MPPE1: variants seen among roughly 807,000 people sequenced by gnomAD.
MPPE1 encodes metallophosphoesterase 1.
In MPPE1, 28 loss-of-function variants were observed where a neutral mutation model predicts 43.8. That is an observed-to-expected ratio of 0.64 (90% CI 0.47 to 0.88). The LOEUF (loss-of-function observed/expected upper bound fraction) is 0.88. MPPE1 is among the 40% of genes least tolerant of loss of function. The pLI, the probability that MPPE1 is intolerant of heterozygous loss-of-function variation, is 0.00. For synonymous variants in MPPE1, 159 were observed against 188.5 expected, an observed-to-expected ratio of 0.84 and a Z score of 1.28; for missense variants, 428 against 492.2, an observed-to-expected ratio of 0.87 and a Z score of 1.23.
chr18:11,883,060 T>G lies in MPPE1; in HGVS notation c.*1385A>C, dbSNP rs749680133. On this transcript the variant is annotated 3_prime_UTR_variant, in exon 11 of 11. Coordinates refer to ENST00000588072, the MANE Select transcript of MPPE1 (RefSeq NM_023075.6). ...ACATTACTTCATTATTACTCTTCTTTTAGTCTTTAGTCTTTAATATTTTAA... is the reference window on the plus strand; with the variant it reads ...ACATTACTTCATTATTACTCTTCTTGTAGTCTTTAGTCTTTAATATTTTAA... 3 of 152,228 alleles carry G rather than the reference T, an allele frequency of 2.0e-5. No homozygotes were observed. The highest frequency in any genetic ancestry group is 2.9e-5 in the Non-Finnish European group (2 of 68,044). The allele number at this position is 152,228 out of a possible 1,614,324, so 9.4% of individuals were successfully genotyped here.
rs2036731934 is a variant in MPPE1 at position 11,882,696 on chromosome 18, A to C, written c.*1749T>G. 1 of 151,910 alleles carries C rather than the reference A, an allele frequency of 6.6e-6. No homozygotes were observed. Among genetic ancestry groups the C allele is most frequent in the South Asian group, 2.1e-4 (1 of 4,822 alleles). The allele number at this position is 151,910 out of a possible 1,614,324, so 9.4% of individuals were successfully genotyped here. ...GTGAGACTCAGGCCAAAAAAAAAAAAAAAAAAAACCTTGACGTGTCAATGT... is the reference window on the plus strand; with the variant it reads ...GTGAGACTCAGGCCAAAAAAAAAAACAAAAAAAACCTTGACGTGTCAATGT... On this transcript the variant is annotated 3_prime_UTR_variant, in exon 11 of 11. Transcript: ENST00000588072.
At position 11,886,036 on chromosome 18, in the gene MPPE1, A is replaced by G. The variant is rs551874804; in HGVS notation, c.868-220T>C. 16 of 356,358 alleles carry G rather than the reference A, an allele frequency of 4.5e-5. No individual in the cohort carries two copies. Among genetic ancestry groups the G allele is most frequent in the African/African-American group, 2.9e-4 (14 of 47,720 alleles). The allele number at this position is 356,358 out of a possible 1,614,324, so 22.1% of individuals were successfully genotyped here. A position where few individuals can be genotyped will look rare whatever the true frequency, so the allele number is the denominator to read the frequency against. ...CCTTTGTTCTCATCCCAGATTTTAT[A>G]TACTTTTTACGGTATTTTATCTTTA... On this transcript the variant is annotated intron_variant, in intron 9 of 10. Coordinates refer to ENST00000588072, the MANE Select transcript of MPPE1 (RefSeq NM_023075.6). The surrounding 1 kb of genome is among the most constrained non-coding windows in gnomAD (Gnocchi z 4.1).
rs201474415 is a variant in MPPE1 at position 11,888,728 on chromosome 18, T to G, written c.510A>C (p.Lys170Asn). The change falls in exon 6 of 11, where the codon AAA becomes AAC. Residue 170 changes from lysine (K) to asparagine (N), a missense_variant. By Grantham distance (94) the Lys-to-Asn change is moderately conservative (BLOSUM62 0). This residue lies in a region of MPPE1 where 379 missense variants were observed against 402.5 expected (regional missense o/e 0.94). Coordinates refer to ENST00000588072, the MANE Select transcript of MPPE1 (RefSeq NM_023075.6). ...IGFHYEMNTY[K>N]VERFEKVFSS... ...TGAACACTTTCTCAAAGCGTTCTAC[T>G]TTGTATGTGTTCATCCTATATTCAA... 1 of 1,597,332 alleles carries G rather than the reference T, an allele frequency of 6.3e-7. No homozygotes were observed. Among genetic ancestry groups the G allele is most frequent in the South Asian group, 1.1e-5 (1 of 88,210 alleles).
Position 11,884,566 on chromosome 18 carries a change from A to G in MPPE1, c.1070T>C (p.Val357Ala). 1 of 1,614,042 alleles carries G rather than the reference A, an allele frequency of 6.2e-7. No individual in the cohort carries two copies. Among genetic ancestry groups the G allele is most frequent in the Non-Finnish European group, 8.5e-7 (1 of 1,180,050 alleles). The change falls in exon 11 of 11, where the codon GTT becomes GCT. Residue 357 changes from valine (V) to alanine (A), a missense_variant. Coordinates refer to ENST00000588072, the MANE Select transcript of MPPE1 (RefSeq NM_023075.6). ...CACCACTCCACAGTAGATGATCAAA[A>G]CCACATCCTCACGTGGGAGGTAGCA... ...SKCYLPREDVVLIIYCGVVGF... is the reference protein window; with the variant it reads ...SKCYLPREDVALIIYCGVVGF...
At position 11,888,629 on chromosome 18, in the gene MPPE1, A is replaced by G. The variant is rs1289392404; in HGVS notation, c.569+40T>C. On this transcript the variant is annotated intron_variant, in intron 6 of 10. Transcript: ENST00000588072. Reference sequence around the variant, plus strand: ...GCACCTTTAAAAAATGAAGTTTCCAAGGACTAAAGGTCTTGGAAGAATTTA... The same window carrying G: ...GCACCTTTAAAAAATGAAGTTTCCAGGGACTAAAGGTCTTGGAAGAATTTA... 3.8e-6 allele frequency: 5 copies of G among 1,302,460 alleles called. No homozygotes were observed. The East Asian group carries it at 9.3e-5, about 24-fold the overall frequency. The allele number at this position is 1,302,460 out of a possible 1,614,324, so 80.7% of individuals were successfully genotyped here.
In MPPE1 at chr18:11,885,802, G is replaced by A. The variant is rs747561914; in HGVS notation, c.882C>T (p.Leu294=). Residue 294 remains leucine, a synonymous_variant, in exon 10 of 11, where the codon CTC becomes CTT. Coordinates refer to ENST00000588072, the MANE Select transcript of MPPE1 (RefSeq NM_023075.6). ...GGCCACTGAGAACCAGGCGCGGCTGGAGCCACCACAGCAGCTGACAGTGGC... is the reference window on the plus strand; with the variant it reads ...GGCCACTGAGAACCAGGCGCGGCTGAAGCCACCACAGCAGCTGACAGTGGC... ...REASQKLLWW[L]QPRLVLSGHT... 6.2e-7 allele frequency: 1 copy of A among 1,609,560 alleles called. No homozygotes were observed. The highest frequency in any genetic ancestry group is 8.5e-7 in the Non-Finnish European group (1 of 1,176,936).
At chr18:11,897,634 A>G (rs1255718541) in intron 2 of MPPE1, 1 of 173,882 alleles carries the variant, frequency 5.8e-6, no homozygotes, top group East Asian at 1.6e-4. Flanking sequence ...GAAATCATCA[A>G]ATGGGAATCC....
At chr18:11,908,072 G>C (rs894514884) in intron 1 of MPPE1, 129 bp downstream of exon 1, 2 of 152,086 alleles carry the variant, frequency 1.3e-5, no homozygotes, top group Non-Finnish European at 2.9e-5. Flanking sequence ...TGGGCCTTAA[G>C]TCACCGAGAT....
chr18:11,892,355 G>GAAAAAAAAAAAA (rs548540889), intron 4 of MPPE1, among the ~76,000 whole-genome samples: 4 of 93,372 alleles, frequency 4.3e-5, no homozygotes, highest in African/African-American at 7.2e-5. Context: ...GCACCAAAAA[G>GAAAAAAAAAAAA]AAAAAAAAAA....
intron 2 of MPPE1, among the ~76,000 whole-genome samples, chr18:11,903,517 C>T (rs1261831548): frequency 6.6e-6 from 1 of 152,166 alleles, no homozygotes; most frequent in Non-Finnish European, 1.5e-5. Context: ...CGGTTAAACA[C>T]TGCACTTGGC....
At chr18:11,905,129 A>G (rs930239617) in intron 2 of MPPE1, 2 of 152,180 alleles carry the variant, frequency 1.3e-5, no homozygotes, top group African/African-American at 4.8e-5. Flanking sequence ...CAACATGGCA[A>G]AACCCCGTCT....
At chr18:11,884,839 G>T in intron 10 of MPPE1, 2 of 1,383,706 alleles carry the variant, frequency 1.4e-6, no homozygotes, top group Non-Finnish European at 1.9e-6. Flanking sequence ...GACAAGTAAG[G>T]CCCAAGTGTG....
Position 11,885,751 on chromosome 18 carries a change from G to T in MPPE1, c.933C>A (p.His311Gln). The T allele has an allele frequency of 6.2e-7, 1 of 1,614,006 alleles. No homozygotes were observed. The highest frequency in any genetic ancestry group is 1.1e-5 in the South Asian group (1 of 91,088). ...SGHTHSACEV[H>Q]HGGRVPELSV... ...TGAGCTCGGGGACTCGGCCCCCGTG[G>T]TGCACCTCGCAGGCGCTGTGCGTGT... Residue 311 changes from histidine (H) to glutamine (Q), a missense_variant, in exon 10 of 11, where the codon CAC becomes CAA. Physicochemically the swap from His to Gln is conservative, Grantham distance 24. Transcript: ENST00000588072.
intron 4 of MPPE1, among the ~76,000 whole-genome samples, chr18:11,892,497 C>T (rs948258988): frequency 4.6e-5 from 7 of 152,024 alleles, no homozygotes; most frequent in Non-Finnish European, 5.9e-5. Context: ...TGGAGAAACC[C>T]TGTCCCTACT....
chr18:11,885,439 G>C (rs1246133546), intron 10 of MPPE1: 3 of 533,694 alleles, frequency 5.6e-6, no homozygotes, highest in Non-Finnish European at 1.0e-5. Context: ...GAAGGATAAA[G>C]TCCACCTGGA....
At chr18:11,890,732 T>G (rs2037904130) in intron 4 of MPPE1, among the ~76,000 whole-genome samples, 1 of 152,198 alleles carries the variant, frequency 6.6e-6, no homozygotes, top group South Asian at 2.1e-4. Flanking sequence ...TAGACCCTGG[T>G]GGAGAAATGC....
intron 2 of MPPE1, among the ~76,000 whole-genome samples, chr18:11,899,898 G>C (rs887206427): frequency 6.6e-6 from 1 of 152,130 alleles, no homozygotes; most frequent in Non-Finnish European, 1.5e-5. Context: ...CTCTACATTT[G>C]CATAGGGAAA....
At position 11,882,684 on chromosome 18, in the gene MPPE1, C is replaced by CAAAAAAAA. The variant is rs5823181; in HGVS notation, c.*1753_*1760dup. The CAAAAAAAA allele has an allele frequency of 1.1e-5, 1 of 88,012 alleles. No homozygotes were observed. The allele number at this position is 88,012 out of a possible 1,614,324, so 5.5% of individuals were successfully genotyped here. ...CTGGACATCAAAGTGAGACTCAGGC[C>CAAAAAAAA]AAAAAAAAAAAAAAAAAAAACCTTG... On this transcript the variant is annotated 3_prime_UTR_variant, in exon 11 of 11. Transcript: ENST00000588072.
rs774182033 is a variant in MPPE1, at chr18:11,886,658, G to A, written c.745-37C>T. The A allele has an allele frequency of 2.4e-5, 38 of 1,614,018 alleles. 3 individuals carry two copies. The South Asian group carries it at 3.1e-4, about 13-fold the overall frequency. ...GGAGAGAGGAGTTCAGGCGGCTATCGTGAAACCACAGGCTGCCTGCTGTCT... is the reference window on the plus strand; with the variant it reads ...GGAGAGAGGAGTTCAGGCGGCTATCATGAAACCACAGGCTGCCTGCTGTCT... On this transcript the variant is annotated intron_variant, in intron 8 of 10. Transcript: ENST00000588072. This position sits in a 1 kb window ranked among gnomAD's most constrained non-coding sequence, Gnocchi z 4.1.
Sources: allele counts gnomAD v4.1 joint callset (sites outside exome capture counted in the v4.1 genomes callset), GRCh38; gene constraint gnomAD v4.1.1; regional missense constraint gnomAD v4.1.1; non-coding constraint Gnocchi (gnomAD v3.1); transcripts MANE v1.5; gene names NCBI Gene and HGNC (gene_info 2026-07-23, HGNC 2026-07-21).